Variants in COL5A2 observed in about 807,000 individuals in gnomAD.
COL5A2 encodes collagen alpha-2(V) chain.
COL5A2 carries 23 observed loss-of-function variants against 208.2 expected under a neutral mutation model. The ratio of observed to expected loss-of-function variants is 0.11; its 90% CI spans 0.08 to 0.16. COL5A2 has a LOEUF of 0.16. Ranked by LOEUF, COL5A2 falls within the 10% of genes least tolerant of loss-of-function variation. The pLI is 1.00. For synonymous variants in COL5A2, 625 were observed against 628.5 expected (o/e 0.99, Z 0.08); for missense variants, 1,590 against 1,956.4 (o/e 0.81, Z 3.53).
chr2:189,428,549 C>T, the COL5A2 span, among the ~76,000 whole-genome samples: 2 of 151,990 alleles, frequency 1.3e-5, no homozygotes, highest in East Asian at 3.9e-4. Flanking sequence ...ACCCAGGAGG[C>T]GGAGGTTGCA....
At chr2:189,241,821 T>C in the COL5A2 span, among the ~76,000 whole-genome samples, 3 of 152,352 alleles carry the variant, frequency 2.0e-5, no homozygotes, top group African/African-American at 4.8e-5. Context: ...TTGACCATTA[T>C]TGCCAAGTTA....
the COL5A2 span, among the ~76,000 whole-genome samples, chr2:189,296,792 C>T: frequency 6.6e-6 from 1 of 152,296 alleles, no homozygotes; most frequent in Admixed American, 6.5e-5. Flanking sequence ...CCTTTTCAAA[C>T]CTTCAGCTGT....
chr2:189,251,321 C>T, the COL5A2 span, among the ~76,000 whole-genome samples: 1 of 152,024 alleles, frequency 6.6e-6, no homozygotes. Flanking sequence ...GACACTAATA[C>T]TCAAAATGTA....
In COL5A2 at chr2:189,070,771, G is replaced by A. The variant is rs79971416; in HGVS notation, c.1158+1269C>T. ...AGGGATTTTGCATGTTTTGATAGGG[G>A]TATATAGAGAGTCTGGGCCAGAGTC... On this transcript the variant is annotated intron_variant, in intron 18 of 53. Transcript: ENST00000374866. Among the ~76,000 whole-genome samples the A allele has an allele frequency of 2.3e-3, 348 of 152,232 alleles. 8 individuals are homozygous for A. In the East Asian group the frequency reaches 0.05, roughly 22 times the overall value.
At chr2:189,437,031 A>AG in the COL5A2 span, among the ~76,000 whole-genome samples, 5 of 152,140 alleles carry the variant, frequency 3.3e-5, no homozygotes, top group African/African-American at 9.7e-5. Context: ...TTTAAAAAAA[A>AG]AGAGAGAGAG....
At chr2:189,430,265 T>C in the COL5A2 span, among the ~76,000 whole-genome samples, 1 of 152,172 alleles carries the variant, frequency 6.6e-6, no homozygotes, top group African/African-American at 2.4e-5. Context: ...GAGATATAGA[T>C]ACTCATCTAA....
At chr2:189,282,343 T>C in the COL5A2 span, among the ~76,000 whole-genome samples, 1 of 152,186 alleles carries the variant, frequency 6.6e-6, no homozygotes, top group Non-Finnish European at 1.5e-5. Flanking sequence ...ATCATGTATT[T>C]AAAATATTCA....
intron 10 of COL5A2, 66 bp downstream of exon 10, chr2:189,085,653 A>G: frequency 7.4e-7 from 1 of 1,353,180 alleles, no homozygotes; most frequent in East Asian, 2.3e-5. Flanking sequence ...AAATAACTCA[A>G]TATTTGACAT....
chr2:189,197,443 G>T (rs1576583284), intron 1 of COL5A2, among the ~76,000 whole-genome samples: 1 of 151,374 alleles, frequency 6.6e-6, no homozygotes, highest in Non-Finnish European at 1.5e-5. Context: ...CAGAACTTAA[G>T]GTAAAATAAA....
At chr2:189,192,727 C>T (rs1488228592) in intron 1 of COL5A2, among the ~76,000 whole-genome samples, 1 of 152,140 alleles carries the variant, frequency 6.6e-6, no homozygotes, top group African/African-American at 2.4e-5. Context: ...AAGGACAAAA[C>T]CAGTGCTACG....
At chr2:189,428,559 A>C in the COL5A2 span, among the ~76,000 whole-genome samples, 1 of 152,176 alleles carries the variant, frequency 6.6e-6, no homozygotes, top group Non-Finnish European at 1.5e-5. Context: ...CGGAGGTTGC[A>C]GTGAGCCAAG....
intron 1 of COL5A2, among the ~76,000 whole-genome samples, chr2:189,212,407 G>A (rs1480095352): frequency 6.6e-6 from 1 of 152,144 alleles, no homozygotes; most frequent in Non-Finnish European, 1.5e-5. Flanking sequence ...GGAGGCAGAG[G>A]TGGGCTGATC....
intron 1 of COL5A2, among the ~76,000 whole-genome samples, chr2:189,126,246 A>G (rs1193376615): frequency 6.6e-6 from 1 of 152,076 alleles, no homozygotes; most frequent in African/African-American, 2.4e-5. Flanking sequence ...AGCAAAATGC[A>G]TATTACCTAA....
intron 1 of COL5A2, among the ~76,000 whole-genome samples, chr2:189,132,035 C>T (rs983366815): frequency 1.3e-5 from 2 of 152,200 alleles, no homozygotes; most frequent in Admixed American, 1.3e-4. Flanking sequence ...AATTCATCCA[C>T]TGAGGTTCAT....
Position 189,038,801 on chromosome 2 carries a change from T to C in COL5A2, c.3925+471A>G, listed in dbSNP as rs1051226858. Among the ~76,000 whole-genome samples, 11 of 152,178 alleles carry C rather than the reference T, an allele frequency of 7.2e-5. 1 individual carries two copies. Among genetic ancestry groups the C allele is most frequent in the African/African-American group, 2.4e-5 (1 of 41,448 alleles). On this transcript the variant is annotated intron_variant, in intron 51 of 53. Coordinates refer to ENST00000374866, the MANE Select transcript of COL5A2 (RefSeq NM_000393.5). ...GGCTCCTGGGTTCATGCCACTCTCC[T>C]GCCTCAGCCTCCCGAGTAGCTGGAA...
intron 1 of COL5A2, among the ~76,000 whole-genome samples, chr2:189,162,461 CT>C (rs1389680640): frequency 1.3e-5 from 2 of 152,148 alleles, no homozygotes; most frequent in African/African-American, 4.8e-5. Flanking sequence ...AAAGCAAATT[CT>C]AATGTTACTG....
At chr2:189,105,020 G>C (rs1050988077) in intron 2 of COL5A2, among the ~76,000 whole-genome samples, 2 of 151,424 alleles carry the variant, frequency 1.3e-5, no homozygotes, top group African/African-American at 4.8e-5. Context: ...CTAATCTTTT[G>C]TTATCACTAG....
At chr2:189,180,843 T>C (rs1000642277), upstream of COL5A2, among the ~76,000 whole-genome samples, 1 of 152,190 alleles carries the variant, frequency 6.6e-6, no homozygotes, top group Non-Finnish European at 1.5e-5. Context: ...AAGATCTTAA[T>C]GACCTCAGAG....
intron 7 of COL5A2, 138 bp from the exon 8 acceptor site, chr2:189,088,910 A>G: frequency 1.3e-6 from 1 of 758,556 alleles, no homozygotes; most frequent in South Asian, 1.5e-5. Flanking sequence ...TTGACTTTAA[A>G]GCCTGGAAAA....
Sources: gnomAD v4.1 joint callset for allele counts (sites outside exome capture counted in the v4.1 genomes callset) on GRCh38, gnomAD v4.1.1 for gene constraint, MANE v1.5 for transcripts, NCBI Gene and HGNC (gene_info 2026-07-23, HGNC 2026-07-21) for gene names.